USP5: variants seen among roughly 807,000 people sequenced by gnomAD.
The protein encoded by USP5 is ubiquitin specific peptidase 5.
USP5 carries 24 observed loss-of-function variants against 102.5 expected under a neutral mutation model. That is an observed-to-expected ratio of 0.23 (90% CI 0.17 to 0.33). The LOEUF (loss-of-function observed/expected upper bound fraction) is 0.33, where lower values mean the gene tolerates loss of function less well. Among genes scored for constraint, USP5 ranks in the 10% least tolerant of loss-of-function variants. The pLI is 1.00. For synonymous variants in USP5, 460 were observed against 434.8 expected, an observed-to-expected ratio of 1.06 and a Z score of -0.72; for missense variants, 753 against 1,122.1, an observed-to-expected ratio of 0.67 and a Z score of 4.70.
Position 6,852,170 on chromosome 12 carries a change from T to G in USP5, c.-10T>G. On this transcript the variant is annotated 5_prime_UTR_variant, in exon 1 of 20. Coordinates refer to ENST00000229268, the MANE Select transcript of USP5 (RefSeq NM_001098536.2). ...GAGCCGCCGTGTGTGGAGAAGCTGC[T>G]GCCGGTGTCATGGCGGAGCTGAGTG... 1.2e-6 allele frequency: 2 copies of G among 1,607,502 alleles called. No homozygotes were observed. The highest frequency in any genetic ancestry group is 1.7e-6 in the Non-Finnish European group (2 of 1,177,490).
At chr12:6,862,444 G>A in intron 13 of USP5, 26 bp from the exon 14 acceptor site, 3 of 1,603,760 alleles carry the variant, frequency 1.9e-6, no homozygotes, top group Admixed American at 3.3e-5. Context: ...GATTGTCTGG[G>A]TACCAGCACA....
chr12:6,852,441 T>A (rs890250369), intron 1 of USP5, 151 bp downstream of exon 1: 15 of 847,472 alleles, frequency 1.8e-5, no homozygotes, highest in African/African-American at 6.8e-5. Flanking sequence ...TTGCCTTTCA[T>A]TAACTGCGGC....
rs967067010 is a variant in USP5, at chr12:6,860,606, C to T, written c.1344+115C>T. 9.2e-6 allele frequency: 14 copies of T among 1,520,316 alleles called. No individual in the cohort carries two copies. The highest frequency in any genetic ancestry group is 8.9e-7 in the Non-Finnish European group (1 of 1,124,692). 94.2% of individuals were successfully genotyped at this position (1,520,316 alleles called of 1,614,324 possible). On this transcript the variant is annotated intron_variant, in intron 11 of 19. Transcript: ENST00000229268. This position sits in a 1 kb window ranked among gnomAD's most constrained non-coding sequence, Gnocchi z 5.5. ...AGTCCCATCCCTGAACCCCAACAGT[C>T]TGTGTCCCTGTGAACAGTGCTTGCA...
rs1359584075 is a variant in USP5 at position 6,866,424 on chromosome 12, C to T, written c.*347C>T. On this transcript the variant is annotated 3_prime_UTR_variant, in exon 20 of 20. Coordinates refer to ENST00000229268, the MANE Select transcript of USP5 (RefSeq NM_001098536.2). This position sits in a 1 kb window ranked among gnomAD's most constrained non-coding sequence, Gnocchi z 4.7. ...GTCTCGTTTGTGCGCGTGGGTGTAG[C>T]TTTGTGCATCCTCTCCCAGTGGAGC... 1 of 258,948 alleles carries T rather than the reference C, an allele frequency of 3.9e-6. No homozygotes were observed. 16.0% of individuals were successfully genotyped at this position (258,948 alleles called of 1,614,324 possible).
At position 6,864,566 on chromosome 12, in the gene USP5, G is replaced by C. The variant is rs1555130334; in HGVS notation, c.2245-156G>C. Among the ~76,000 whole-genome samples the C allele has an allele frequency of 6.6e-6, 1 of 152,208 alleles. No homozygotes were observed. The highest frequency in any genetic ancestry group is 1.5e-5 in the Non-Finnish European group (1 of 68,040). On this transcript the variant is annotated intron_variant, in intron 17 of 19. Coordinates refer to ENST00000229268, the MANE Select transcript of USP5 (RefSeq NM_001098536.2). The surrounding 1 kb of genome is among the most constrained non-coding windows in gnomAD (Gnocchi z 4.8). ...TAACCAAGCGTGGTGGTGGGCGTCTGTAGTCCCAGCTACTTGGGAGGCTGA... is the reference window on the plus strand; with the variant it reads ...TAACCAAGCGTGGTGGTGGGCGTCTCTAGTCCCAGCTACTTGGGAGGCTGA...
At chr12:6,859,355 C>A in intron 8 of USP5, 115 bp from the exon 9 acceptor site, 1 of 1,003,228 alleles carries the variant, frequency 1.0e-6, no homozygotes, top group Non-Finnish European at 1.5e-6. Flanking sequence ...TCACCCACAG[C>A]AACTCCCCAC....
chr12:6,856,990 TAAGAA>T lies in USP5; in HGVS notation c.769+101_769+105del, dbSNP rs1218940068. 16 of 1,438,056 alleles carry T rather than the reference TAAGAA, an allele frequency of 1.1e-5. No individual in the cohort carries two copies. The Admixed American group carries it at 1.2e-4, about 10-fold the overall frequency. 89.1% of individuals were successfully genotyped at this position (1,438,056 alleles called of 1,614,324 possible). ...ATAATACATGAATGCATTATCTTGATAAGAAAGGAAAGTAGTCAGGTGCGGTGGCT... is the reference window on the plus strand; with the variant it reads ...ATAATACATGAATGCATTATCTTGATAGGAAAGTAGTCAGGTGCGGTGGCT... On this transcript the variant is annotated intron_variant, in intron 6 of 19. Coordinates refer to ENST00000229268, the MANE Select transcript of USP5 (RefSeq NM_001098536.2). The surrounding 1 kb of genome is among the most constrained non-coding windows in gnomAD (Gnocchi z 5.6).
At chr12:6,862,272 C>T (rs1329257293) in intron 13 of USP5, among the ~76,000 whole-genome samples, 198 bp from the exon 14 acceptor site, 1 of 152,004 alleles carries the variant, frequency 6.6e-6, no homozygotes, top group South Asian at 2.1e-4. Flanking sequence ...TTTTTGTTGA[C>T]AGCCTTCCTT....
Position 6,863,449 on chromosome 12 carries a change from C to G in USP5, c.1954+72C>G. 1 of 1,508,706 alleles carries G rather than the reference C, an allele frequency of 6.6e-7. No individual in the cohort carries two copies. Among genetic ancestry groups the G allele is most frequent in the East Asian group, 2.3e-5 (1 of 44,040 alleles). 93.5% of individuals were successfully genotyped at this position (1,508,706 alleles called of 1,614,324 possible). Reference sequence around the variant, plus strand: ...GCCTCTCTGCCTTGCATCCCCTGCCCCTGTCCTTTGTGTTTCTCCTGTCCT... The same window carrying G: ...GCCTCTCTGCCTTGCATCCCCTGCCGCTGTCCTTTGTGTTTCTCCTGTCCT... On this transcript the variant is annotated intron_variant, in intron 15 of 19. Coordinates refer to ENST00000229268, the MANE Select transcript of USP5 (RefSeq NM_001098536.2). This position sits in a 1 kb window ranked among gnomAD's most constrained non-coding sequence, Gnocchi z 4.7.
chr12:6,856,790 A>C lies in USP5; in HGVS notation c.668A>C (p.Tyr223Ser). ...GGCTCCATCCTCTGTGGGCGACGCT[A>C]CTTCGATGGCAGTGGGGGCAACAAC... The part of the protein sequence containing the change: ...TDGSILCGRR[Y>S]FDGSGGNNHA... The change falls in exon 6 of 20, where the codon TAC becomes TCC. Residue 223 changes from tyrosine to serine, a missense_variant. By Grantham distance (144) the Tyr-to-Ser change is moderately radical. Coordinates refer to ENST00000229268, the MANE Select transcript of USP5 (RefSeq NM_001098536.2). This position sits in a 1 kb window ranked among gnomAD's most constrained non-coding sequence, Gnocchi z 5.6. The C allele has an allele frequency of 6.2e-7, 1 of 1,614,098 alleles. No individual in the cohort carries two copies. Among genetic ancestry groups the C allele is most frequent in the Non-Finnish European group, 8.5e-7 (1 of 1,179,998 alleles).
Position 6,856,587 on chromosome 12 carries a change from T to C in USP5, c.585-120T>C. On this transcript the variant is annotated intron_variant, in intron 5 of 19. Transcript: ENST00000229268. The surrounding 1 kb of genome is among the most constrained non-coding windows in gnomAD (Gnocchi z 5.6). ...CTTGGAAATGAACACGACATGGGGATGGCCAGAGGAGAAGAGAGAGAGACC... is the reference window on the plus strand; with the variant it reads ...CTTGGAAATGAACACGACATGGGGACGGCCAGAGGAGAAGAGAGAGAGACC... 3.3e-6 allele frequency: 5 copies of C among 1,532,168 alleles called. No homozygotes were observed. The highest frequency in any genetic ancestry group is 4.4e-6 in the Non-Finnish European group (5 of 1,142,694). 94.9% of individuals were successfully genotyped at this position (1,532,168 alleles called of 1,614,324 possible). A position where few individuals can be genotyped will look rare whatever the true frequency, so the allele number is the denominator to read the frequency against.
At position 6,865,267 on chromosome 12, in the gene USP5, C is replaced by A; in HGVS notation, c.2483+19C>A. 2 of 1,604,278 alleles carry A rather than the reference C, an allele frequency of 1.2e-6. No individual in the cohort carries two copies. Among genetic ancestry groups the A allele is most frequent in the Non-Finnish European group, 1.7e-6 (2 of 1,171,460 alleles). On this transcript the variant is annotated intron_variant, in intron 19 of 19. Transcript: ENST00000229268. ...AAGGCAGGTGAGTGCTGGCCACATG[C>A]GTTTTGAATGGAGAATGGTGGTGGG...
At position 6,852,281 on chromosome 12, in the gene USP5, C is replaced by T. The variant is rs1943931532; in HGVS notation, c.102C>T (p.Phe34=). 6.2e-7 allele frequency: 1 copy of T among 1,609,502 alleles called. No homozygotes were observed. The highest frequency in any genetic ancestry group is 1.3e-5 in the African/African-American group (1 of 74,912). Residue 34 remains phenylalanine (F), a synonymous_variant, in exon 1 of 20, where the codon TTC becomes TTT. Coordinates refer to ENST00000229268, the MANE Select transcript of USP5 (RefSeq NM_001098536.2). Reference sequence around the variant, plus strand: ...ACAAAGACGAGTGCGCCTTCTCCTTCGACACGCCGGTAAGCCCATTCCCCA... The same window carrying T: ...ACAAAGACGAGTGCGCCTTCTCCTTTGACACGCCGGTAAGCCCATTCCCCA... ...RVHKDECAFS[F]DTPESEGGLY... is the part of the protein sequence containing the mutation.
rs1328303584 is a variant in USP5 at position 6,863,150 on chromosome 12, C to T, written c.1763-36C>T. On this transcript the variant is annotated intron_variant, in intron 14 of 19. Coordinates refer to ENST00000229268, the MANE Select transcript of USP5 (RefSeq NM_001098536.2). This position sits in a 1 kb window ranked among gnomAD's most constrained non-coding sequence, Gnocchi z 4.7. ...GTTCCCGAATCACTTTCCAGGTAGGCCTCCGGGAGCTGCTGAGGTGACCCT... is the reference window on the plus strand; with the variant it reads ...GTTCCCGAATCACTTTCCAGGTAGGTCTCCGGGAGCTGCTGAGGTGACCCT... 1.3e-6 allele frequency: 2 copies of T among 1,573,730 alleles called. No individual in the cohort carries two copies. Among genetic ancestry groups the T allele is most frequent in the Non-Finnish European group, 1.7e-6 (2 of 1,160,258 alleles).
In USP5 at chr12:6,860,993, G is replaced by A. The variant is rs1011319988; in HGVS notation, c.1385G>A (p.Arg462His). The change falls in exon 12 of 20, where the codon CGC (arginine) becomes CAC (histidine). Residue 462 changes from arginine to histidine, a missense_variant. This residue lies in a region of USP5 where 527 missense variants were observed against 816.5 expected (regional missense o/e 0.65). Transcript: ENST00000229268. This position sits in a 1 kb window ranked among gnomAD's most constrained non-coding sequence, Gnocchi z 5.5. ...TCTGAAAATCCTAATGAAGTGTTCC[G>A]CTTCTTGGTGGAGGAAAAGATCAAG... ...RSSENPNEVF[R>H]FLVEEKIKCL... 1 of 1,614,190 alleles carries A rather than the reference G, an allele frequency of 6.2e-7. No homozygotes were observed. The highest frequency in any genetic ancestry group is 8.5e-7 in the Non-Finnish European group (1 of 1,180,048).
intron 1 of USP5, 113 bp downstream of exon 1, chr12:6,852,403 T>C: frequency 9.3e-7 from 1 of 1,076,042 alleles, no homozygotes; most frequent in Non-Finnish European, 1.4e-6. Context: ...ACCATGGGAC[T>C]TGTAGTCTCC....
Position 6,864,663 on chromosome 12 carries a change from T to C in USP5, c.2245-59T>C. The C allele has an allele frequency of 1.9e-6, 3 of 1,555,780 alleles. No individual in the cohort carries two copies. The East Asian group carries it at 6.8e-5, about 35-fold the overall frequency. On this transcript the variant is annotated intron_variant, in intron 17 of 19. Transcript: ENST00000229268. This position sits in a 1 kb window ranked among gnomAD's most constrained non-coding sequence, Gnocchi z 4.8. ...GAGATCGCGCCACTGCACTCCAGCC[T>C]GGGCGACAGAGCAAGACTCCGTCTC... is the stretch of plus-strand genomic sequence containing the variant.
In USP5 at chr12:6,859,560, T is replaced by C. The variant is rs2138053171; in HGVS notation, c.1130+19T>C. The C allele has an allele frequency of 5.6e-6, 9 of 1,613,542 alleles. No homozygotes were observed. In the East Asian group the frequency reaches 8.9e-5, roughly 16 times the overall value. On this transcript the variant is annotated intron_variant, in intron 9 of 19. Transcript: ENST00000229268. ...CCCAGGTGTATGTAACCAGGTCCTA[T>C]GTAGGAAAGCTGTTGACAGTCATGG...
chr12:6,865,883 G>C, intron 19 of USP5, 101 bp from the exon 20 acceptor site: 2 of 1,004,912 alleles, frequency 2.0e-6, no homozygotes, highest in South Asian at 1.4e-5. Context: ...TATGGGCAGA[G>C]AGTGTGGAGA....
Sources: allele counts gnomAD v4.1 joint callset (sites outside exome capture counted in the v4.1 genomes callset), GRCh38; gene constraint gnomAD v4.1.1; regional missense constraint gnomAD v4.1.1; non-coding constraint Gnocchi (gnomAD v3.1); transcripts MANE v1.5; gene names NCBI Gene and HGNC (gene_info 2026-07-23, HGNC 2026-07-21).